DNAH5: variants seen among roughly 807,000 people sequenced by gnomAD.
The protein encoded by DNAH5 is dynein axonemal heavy chain 5, also known as axonemal beta dynein heavy chain 5.
A neutral mutation model predicts 518.2 loss-of-function variants in DNAH5; 372 were observed. The ratio of observed to expected loss-of-function variants is 0.72; its 90% CI spans 0.66 to 0.78. The LOEUF (loss-of-function observed/expected upper bound fraction) is 0.78, where lower values mean the gene tolerates loss of function less well. Ranked by LOEUF, DNAH5 falls within the 30% of genes least tolerant of loss-of-function variation. The pLI, the probability that DNAH5 is intolerant of heterozygous loss-of-function variation, is 0.00. For missense variants in DNAH5, 5,523 were observed against 5,687.0 expected (o/e 0.97, Z 0.93); for synonymous variants, 2,039 against 2,025.9 (o/e 1.01, Z -0.17).
chr5:13,823,192 A>G, intron 40 of DNAH5, 71 bp downstream of exon 40: 1 of 1,019,892 alleles, frequency 9.8e-7, no homozygotes, highest in Non-Finnish European at 1.6e-6. Flanking sequence ...GAGCCACAGC[A>G]GCCCCACTTT....
intron 49 of DNAH5, 137 bp from the exon 50 acceptor site, chr5:13,792,354 T>C: frequency 1.4e-6 from 1 of 694,008 alleles, no homozygotes; most frequent in Non-Finnish European, 2.5e-6. Flanking sequence ...GAAAAGTATG[T>C]TAATGTTCTC....
intron 1 of DNAH5, among the ~76,000 whole-genome samples, chr5:13,974,548 A>C (rs952673034): frequency 7.9e-5 from 12 of 152,126 alleles, no homozygotes; most frequent in African/African-American, 2.9e-4. Context: ...AATCAAGGTA[A>C]AGTTCAATAG....
intron 1 of DNAH5, among the ~76,000 whole-genome samples, chr5:13,940,211 C>T (rs1779337475): frequency 6.6e-6 from 1 of 152,122 alleles, no homozygotes; most frequent in African/African-American, 2.4e-5. Flanking sequence ...CAAATTCTAA[C>T]TTAGAGTCTG....
chr5:13,908,467 G>T (rs957549605), intron 12 of DNAH5, among the ~76,000 whole-genome samples: 3 of 152,084 alleles, frequency 2.0e-5, no homozygotes, highest in Admixed American at 2.0e-4. Flanking sequence ...GCAAAGGCCT[G>T]GGCTGAACTC....
chr5:13,812,612 T>C (rs953333156), intron 43 of DNAH5, among the ~76,000 whole-genome samples: 4 of 151,384 alleles, frequency 2.6e-5, no homozygotes, highest in Non-Finnish European at 5.9e-5. Context: ...GGCCCCCAGA[T>C]TTTTTTTTAA....
intron 64 of DNAH5, among the ~76,000 whole-genome samples, chr5:13,751,734 T>C (rs1025113378): frequency 1.2e-4 from 18 of 152,062 alleles, no homozygotes; most frequent in African/African-American, 3.6e-4. Context: ...CTTTGTGGTG[T>C]TTAGGGGGTA....
Position 13,691,851 on chromosome 5 carries a change from G to A in DNAH5, c.*133C>T. On this transcript the variant is annotated 3_prime_UTR_variant, in exon 79 of 79. Transcript: ENST00000265104. ...AATATAAGCATCCAATTAAGGAGTG[G>A]GGAAAACCTATGCAGCTCATTAATT... The A allele has an allele frequency of 1.9e-6, 2 of 1,056,406 alleles. No individual in the cohort carries two copies. Among genetic ancestry groups the A allele is most frequent in the Non-Finnish European group, 2.8e-6 (2 of 709,774 alleles). 65.4% of individuals were successfully genotyped at this position (1,056,406 alleles called of 1,614,324 possible). A position where few individuals can be genotyped will look rare whatever the true frequency, so the allele number is the denominator to read the frequency against.
chr5:13,779,008 C>A (rs1187360814), intron 53 of DNAH5, among the ~76,000 whole-genome samples: 1 of 152,150 alleles, frequency 6.6e-6, no homozygotes, highest in African/African-American at 2.4e-5. Flanking sequence ...ACAATCAATT[C>A]CCAGATAGAT....
intron 69 of DNAH5, among the ~76,000 whole-genome samples, chr5:13,728,746 C>T (rs1746104365): frequency 6.6e-6 from 1 of 152,132 alleles, no homozygotes; most frequent in Admixed American, 6.5e-5. Context: ...TCAAAAAAAG[C>T]CTTCAACTTA....
intron 17 of DNAH5, among the ~76,000 whole-genome samples, chr5:13,888,801 A>AT (rs1580756146): frequency 6.6e-6 from 1 of 152,184 alleles, no homozygotes; most frequent in Admixed American, 6.5e-5. Flanking sequence ...CAATAATTTT[A>AT]TTTTGGGGAG....
intron 1 of DNAH5, among the ~76,000 whole-genome samples, chr5:13,931,888 A>G (rs921436750): frequency 4.6e-5 from 7 of 152,230 alleles, no homozygotes. Context: ...TCCCTTAACA[A>G]TGCATCACGG....
chr5:13,721,822 C>T (rs367807011), intron 70 of DNAH5, among the ~76,000 whole-genome samples: 90 of 151,982 alleles, frequency 5.9e-4, no homozygotes, highest in African/African-American at 2.2e-3. Context: ...AATCCATACT[C>T]GAAATATCAC....
chr5:13,807,743 G>T lies in DNAH5; in HGVS notation c.7753-18C>A, dbSNP rs1561311491. The T allele has an allele frequency of 2.6e-6, 4 of 1,564,900 alleles. No homozygotes were observed. Among genetic ancestry groups the T allele is most frequent in the African/African-American group, 1.4e-5 (1 of 73,036 alleles). Reference sequence around the variant, plus strand: ...AGCACAGCCTAAAATAGAGGGAATTGAAAAAAAAAGAAATGAAATAAATGA... The same window carrying T: ...AGCACAGCCTAAAATAGAGGGAATTTAAAAAAAAAGAAATGAAATAAATGA... On this transcript the variant is annotated intron_variant, in intron 46 of 78. Transcript: ENST00000265104.
intron 58 of DNAH5, among the ~76,000 whole-genome samples, chr5:13,768,655 T>C (rs777567091): frequency 2.0e-5 from 3 of 152,184 alleles, no homozygotes; most frequent in Non-Finnish European, 2.9e-5. Flanking sequence ...AGAAAGTTGA[T>C]GTAACTTTTC....
In DNAH5 at chr5:13,691,849, TG is replaced by T; in HGVS notation, c.*134del. On this transcript the variant is annotated 3_prime_UTR_variant, in exon 79 of 79. Transcript: ENST00000265104. ...AAAATATAAGCATCCAATTAAGGAG[TG>T]GGGAAAACCTATGCAGCTCATTAAT... is the stretch of plus-strand genomic sequence containing the variant. 1.0e-6 allele frequency: 1 copy of T among 1,002,722 alleles called. No homozygotes were observed. The highest frequency in any genetic ancestry group is 1.5e-6 in the Non-Finnish European group (1 of 665,312). The allele number at this position is 1,002,722 out of a possible 1,614,324, so 62.1% of individuals were successfully genotyped here.
intron 1 of DNAH5, among the ~76,000 whole-genome samples, chr5:13,964,931 C>A (rs1309349258): frequency 6.6e-6 from 1 of 152,314 alleles, no homozygotes; most frequent in Admixed American, 6.5e-5. Context: ...GATAGTAATA[C>A]CTTCAATGTC....
In DNAH5 at chr5:13,807,613, G is replaced by T. The variant is rs750094463; in HGVS notation, c.7865C>A (p.Ala2622Glu). ...HMIKSLNFSS[A>E]TTPLMFQRTI... Reference sequence around the variant, plus strand: ...TACCTGGAACATCAGTGGGGTGGTTGCAGAAGAAAAATTCAGACTCTTGAT... The same window carrying T: ...TACCTGGAACATCAGTGGGGTGGTTTCAGAAGAAAAATTCAGACTCTTGAT... The change falls in exon 47 of 79, where the codon GCA (alanine) becomes GAA (glutamate). Residue 2622 changes from alanine to glutamate, a missense_variant. Coordinates refer to ENST00000265104, the MANE Select transcript of DNAH5 (RefSeq NM_001369.3). 3 of 1,613,638 alleles carry T rather than the reference G, an allele frequency of 1.9e-6. No individual in the cohort carries two copies. In the South Asian group the frequency reaches 3.3e-5, roughly 18 times the overall value.
rs950364119 is a variant in DNAH5 at position 13,917,241 on chromosome 5, C to A, written c.991G>T (p.Asp331Tyr). The A allele has an allele frequency of 1.2e-5, 20 of 1,613,586 alleles. No homozygotes were observed. The highest frequency in any genetic ancestry group is 1.7e-5 in the Admixed American group (1 of 59,996). The change falls in exon 8 of 79, where the codon GAT becomes TAT. Residue 331 changes from aspartate (D) to tyrosine (Y), a missense_variant. Around this residue, in one of 3 missense-constraint regions of DNAH5, gnomAD observed 5,121 missense variants for 5,223.3 expected, o/e 0.98. Coordinates refer to ENST00000265104, the MANE Select transcript of DNAH5 (RefSeq NM_001369.3). The stretch of plus-strand genomic sequence containing the variant: ...TTAGTTGCATCAGTGATTCGAATAT[C>A]CATCTCCCGCCAAGTCTAAGCACAA... ...SKLLKTWREM[D>Y]IRITDATNEA... is the part of the protein sequence containing the mutation.
chr5:13,803,843 G>A (rs1393847155), intron 47 of DNAH5, among the ~76,000 whole-genome samples: 1 of 152,162 alleles, frequency 6.6e-6, no homozygotes, highest in Non-Finnish European at 1.5e-5. Flanking sequence ...TACTGCACAA[G>A]ATGTCACTTG....
Sources: gnomAD v4.1 joint callset for allele counts (sites outside exome capture counted in the v4.1 genomes callset) on GRCh38, gnomAD v4.1.1 for gene constraint, gnomAD v4.1.1 regional missense constraint, MANE v1.5 for transcripts, NCBI Gene and HGNC (gene_info 2026-07-23, HGNC 2026-07-21) for gene names.